The following GRIK2 variants were observed in gnomAD, a reference collection of about 807,000 sequenced individuals.
GRIK2 encodes the protein glutamate receptor ionotropic, kainate 2.
A neutral mutation model predicts 100.3 loss-of-function variants in GRIK2; 32 were observed. The ratio of observed to expected loss-of-function variants is 0.32; its 90% CI spans 0.24 to 0.43. The LOEUF is 0.43. Ranked by LOEUF, GRIK2 falls within the 20% of genes least tolerant of loss-of-function variation. GRIK2 has a pLI of 1.00. For missense variants in GRIK2, 843 were observed against 1,114.9 expected (o/e 0.76, Z 3.47); for synonymous variants, 417 against 389.4 (o/e 1.07, Z -0.83).
At chr6:101,896,316 T>C (rs1787439740) in intron 12 of GRIK2, among the ~76,000 whole-genome samples, 1 of 151,760 alleles carries the variant, frequency 6.6e-6, no homozygotes, top group South Asian at 2.1e-4. Flanking sequence ...AATTTAATCT[T>C]CAGAGGAGAA....
At chr6:101,528,515 G>A (rs915451975) in intron 2 of GRIK2, among the ~76,000 whole-genome samples, 8 of 152,040 alleles carry the variant, frequency 5.3e-5, no homozygotes, top group Non-Finnish European at 1.2e-4. Flanking sequence ...AAGGAACTGT[G>A]AAACTCTATT....
chr6:101,414,677 A>G (rs1273049888), intron 2 of GRIK2, among the ~76,000 whole-genome samples: 1 of 152,202 alleles, frequency 6.6e-6, no homozygotes, highest in Non-Finnish European at 1.5e-5. Context: ...TAGTGATCGC[A>G]GATACCCTCC....
chr6:102,059,804 A>T lies in GRIK2; in HGVS notation c.2562+4224A>T, dbSNP rs924225578. 7.3e-5 allele frequency among the ~76,000 whole-genome samples: 11 copies of T among 150,540 alleles called. No individual in the cohort carries two copies. In the East Asian group the frequency reaches 2.0e-3, roughly 27 times the overall value. On this transcript the variant is annotated intron_variant, in intron 16 of 16. Coordinates refer to ENST00000369134, the MANE Select transcript of GRIK2 (RefSeq NM_021956.5). Reference sequence around the variant, plus strand: ...ACAGCAACATAACTTCTATAGTTTGATCTCTTTTTGTGTGTTTTGTATATA... The same window carrying T: ...ACAGCAACATAACTTCTATAGTTTGTTCTCTTTTTGTGTGTTTTGTATATA...
intron 2 of GRIK2, among the ~76,000 whole-genome samples, chr6:101,453,765 G>A (rs1770843507): frequency 6.6e-6 from 1 of 151,954 alleles, no homozygotes; most frequent in African/African-American, 2.4e-5. Context: ...GATTTCATGT[G>A]CTTTATGTCT....
chr6:102,045,068 C>T (rs1770810395), intron 15 of GRIK2, among the ~76,000 whole-genome samples: 1 of 151,754 alleles, frequency 6.6e-6, no homozygotes, highest in Non-Finnish European at 1.5e-5. Context: ...CAATTTTTAC[C>T]CATACTGTCT....
chr6:101,652,278 A>G (rs1198906345), intron 4 of GRIK2, among the ~76,000 whole-genome samples: 1 of 152,126 alleles, frequency 6.6e-6, no homozygotes, highest in Non-Finnish European at 1.5e-5. Flanking sequence ...GCCCTCATGA[A>G]TGGAATTAGT....
intron 11 of GRIK2, among the ~76,000 whole-genome samples, chr6:101,878,161 T>C (rs1020154129): frequency 3.3e-5 from 5 of 149,338 alleles, no homozygotes; most frequent in Admixed American, 1.3e-4. Context: ...AGCTGTCATT[T>C]GTATTTTTTT....
chr6:101,883,236 T>G (rs569561851), intron 11 of GRIK2, among the ~76,000 whole-genome samples: 1 of 150,306 alleles, frequency 6.7e-6, no homozygotes, highest in East Asian at 2.0e-4. Context: ...AAAGAAGTAT[T>G]TGGGTGAAAA....
chr6:101,600,531 G>A (rs964546517), intron 2 of GRIK2, among the ~76,000 whole-genome samples: 4 of 151,932 alleles, frequency 2.6e-5, no homozygotes, highest in Non-Finnish European at 5.9e-5. Flanking sequence ...TTCAATCCAT[G>A]AGCATGGAAT....
chr6:101,947,463 T>G (rs866225026), intron 14 of GRIK2, among the ~76,000 whole-genome samples: 4 of 152,178 alleles, frequency 2.6e-5, no homozygotes, highest in African/African-American at 9.6e-5. Context: ...CAGTCTGCAT[T>G]CCACTAAGTT....
At chr6:101,579,572 G>C (rs1777965728) in intron 2 of GRIK2, among the ~76,000 whole-genome samples, 1 of 151,286 alleles carries the variant, frequency 6.6e-6, no homozygotes, top group Admixed American at 6.6e-5. Flanking sequence ...ATACATTTGG[G>C]CCGGGCATGG....
At chr6:101,707,026 C>T (rs866207480) in intron 7 of GRIK2, among the ~76,000 whole-genome samples, 5 of 151,698 alleles carry the variant, frequency 3.3e-5, no homozygotes, top group Admixed American at 2.0e-4. Context: ...CCCTAATAGG[C>T]CATGTCCTAT....
chr6:101,544,237 G>T (rs747169616), intron 2 of GRIK2, among the ~76,000 whole-genome samples: 8 of 151,816 alleles, frequency 5.3e-5, no homozygotes, highest in Non-Finnish European at 1.2e-4. Flanking sequence ...ATCACCCAGT[G>T]GCAATATTTT....
intron 2 of GRIK2, among the ~76,000 whole-genome samples, chr6:101,600,871 T>A (rs964515361): frequency 6.6e-6 from 1 of 151,822 alleles, no homozygotes; most frequent in Non-Finnish European, 1.5e-5. Flanking sequence ...ATTGATTTCT[T>A]CTTTTCTGAT....
intron 2 of GRIK2, among the ~76,000 whole-genome samples, chr6:101,610,375 T>C (rs1303162949): frequency 6.6e-6 from 1 of 151,806 alleles, no homozygotes; most frequent in Non-Finnish European, 1.5e-5. Context: ...TATTTCTGGA[T>C]TAAAACTCTA....
intron 2 of GRIK2, among the ~76,000 whole-genome samples, chr6:101,541,486 T>G (rs1419971184): frequency 6.6e-6 from 1 of 150,958 alleles, no homozygotes; most frequent in Non-Finnish European, 1.5e-5. Flanking sequence ...TGAGAAAGGA[T>G]GCTGGGCAGA....
intron 4 of GRIK2, among the ~76,000 whole-genome samples, chr6:101,671,308 A>G (rs1175448625): frequency 1.3e-5 from 2 of 152,176 alleles, no homozygotes; most frequent in Non-Finnish European, 1.5e-5. Context: ...CATTAAATTC[A>G]TTATTAGTTA....
chr6:101,706,831 C>T (rs1773337165), intron 7 of GRIK2, among the ~76,000 whole-genome samples: 2 of 152,032 alleles, frequency 1.3e-5, no homozygotes, highest in East Asian at 3.9e-4. Flanking sequence ...GAAGAGCAGC[C>T]TGCTGAACAC....
At chr6:101,779,329 T>A (rs1778936268) in intron 7 of GRIK2, among the ~76,000 whole-genome samples, 1 of 152,172 alleles carries the variant, frequency 6.6e-6, no homozygotes, top group African/African-American at 2.4e-5. Context: ...TAAAAGTAAT[T>A]TGACTAGGTA....
Sources: gnomAD v4.1 joint callset for allele counts (sites outside exome capture counted in the v4.1 genomes callset) on GRCh38, gnomAD v4.1.1 for gene constraint, MANE v1.5 for transcripts, NCBI Gene and HGNC (gene_info 2026-07-23, HGNC 2026-07-21) for gene names.